Variants in TM6SF1 observed in about 807,000 individuals in gnomAD.
TM6SF1 encodes the protein transmembrane 6 superfamily member 1.
In TM6SF1, 43 loss-of-function variants were observed where a neutral mutation model predicts 47.1. The ratio of observed to expected loss-of-function variants is 0.91; its 90% CI spans 0.72 to 1.18. TM6SF1 has a LOEUF of 1.18. TM6SF1 is among the 50% of genes most tolerant of loss of function. TM6SF1 has a pLI of 0.00. For synonymous variants in TM6SF1, 177 were observed against 166.3 expected, an observed-to-expected ratio of 1.06 and a Z score of -0.49; for missense variants, 390 against 449.0, an observed-to-expected ratio of 0.87 and a Z score of 1.19.
At chr15:83,121,147 T>C (rs975834785) in intron 4 of TM6SF1, among the ~76,000 whole-genome samples, 10 of 151,918 alleles carry the variant, frequency 6.6e-5, no homozygotes, top group African/African-American at 2.2e-4. Flanking sequence ...CTTGGCTCGC[T>C]GTAACCTCTG....
intron 9 of TM6SF1, chr15:83,131,212 A>G (rs1337336624): frequency 1.3e-5 from 2 of 152,270 alleles, no homozygotes; most frequent in Non-Finnish European, 2.9e-5. Flanking sequence ...TCATGATCCC[A>G]CTAACTTTAC....
chr15:83,121,985 G>A lies in TM6SF1; in HGVS notation c.463G>A (p.Val155Met). 1 of 1,611,268 alleles carries A rather than the reference G, an allele frequency of 6.2e-7. No homozygotes were observed. The highest frequency in any genetic ancestry group is 8.5e-7 in the Non-Finnish European group (1 of 1,179,238). ...TATTATTATGAGTGTTGTTGTTTTT[G>A]TGCCAGGAAACATTGTAGGTAAGAA... ...GSIIMSVVVF[V>M]PGNIVGKYGT... is the part of the protein sequence containing the mutation. The change falls in exon 5 of 10, where the codon GTG becomes ATG. Residue 155 changes from valine (V) to methionine (M), a missense_variant. By Grantham distance (21) the Val-to-Met change is conservative. Coordinates refer to ENST00000322019, the MANE Select transcript of TM6SF1 (RefSeq NM_023003.5).
At chr15:83,122,337 A>G (rs896303743) in intron 5 of TM6SF1, among the ~76,000 whole-genome samples, 2 of 152,198 alleles carry the variant, frequency 1.3e-5, no homozygotes, top group African/African-American at 4.8e-5. Flanking sequence ...GAACTCCAAA[A>G]ATGTACTTGG....
intron 2 of TM6SF1, chr15:83,115,540 G>A (rs1228849992): frequency 1.2e-5 from 6 of 497,504 alleles, no homozygotes; most frequent in Middle Eastern, 5.0e-4. Flanking sequence ...GTAGGGGAGT[G>A]GAGGATGGGT....
Position 83,126,748 on chromosome 15 carries a change from T to A in TM6SF1, c.709-7T>A. 6.2e-7 allele frequency: 1 copy of A among 1,606,992 alleles called. No homozygotes were observed. Among genetic ancestry groups the A allele is most frequent in the Non-Finnish European group, 8.5e-7 (1 of 1,176,046 alleles). ...TATTTTTATAATGAGTTTATTTTTG[T>A]CCTTAGATTGCTTTGGATTGCCCAT... On this transcript the variant is annotated splice_region_variant and splice_polypyrimidine_tract_variant and intron_variant, in intron 7 of 9. Coordinates refer to ENST00000322019, the MANE Select transcript of TM6SF1 (RefSeq NM_023003.5).
chr15:83,109,536 C>T (rs892885047), intron 1 of TM6SF1, among the ~76,000 whole-genome samples: 22 of 152,146 alleles, frequency 1.4e-4, no homozygotes, highest in African/African-American at 5.1e-4. Context: ...TTAAAACCCC[C>T]GTGGCCTTTG....
chr15:83,129,820 G>T (rs887429421), intron 9 of TM6SF1: 1 of 152,280 alleles, frequency 6.6e-6, no homozygotes, highest in Non-Finnish European at 1.5e-5. Context: ...AAACACTGAG[G>T]TGTGGGCATA....
At chr15:83,126,265 T>G (rs1354031156) in intron 7 of TM6SF1, among the ~76,000 whole-genome samples, 1 of 152,132 alleles carries the variant, frequency 6.6e-6, no homozygotes, top group Non-Finnish European at 1.5e-5. Flanking sequence ...CCAAAAAGAC[T>G]TTCCAGCAAG....
At chr15:83,112,621 G>T in intron 1 of TM6SF1, 176 bp from the exon 2 acceptor site, 1 of 617,442 alleles carries the variant, frequency 1.6e-6, no homozygotes, top group South Asian at 2.0e-5. Flanking sequence ...AGCCCAGATG[G>T]GCCAAAGAGC....
chr15:83,109,613 G>A (rs1596462006), intron 1 of TM6SF1, among the ~76,000 whole-genome samples: 1 of 152,130 alleles, frequency 6.6e-6, no homozygotes, highest in Non-Finnish European at 1.5e-5. Flanking sequence ...TGGGGCTCTA[G>A]TGTCTGTTCC....
chr15:83,127,229 A>G lies in TM6SF1; in HGVS notation c.802-129A>G, dbSNP rs1033677264. 2.0e-5 allele frequency: 18 copies of G among 922,206 alleles called. No individual in the cohort carries two copies. The South Asian group carries it at 5.6e-4, about 29-fold the overall frequency. The allele number at this position is 922,206 out of a possible 1,614,324, so 57.1% of individuals were successfully genotyped here. On this transcript the variant is annotated intron_variant, in intron 8 of 9. Transcript: ENST00000322019. ...TAAATAAAAATAAAAGTAAAAAAAA[A>G]AAAAGAGTCCCATATAGGAAATAGG...
At position 83,119,664 on chromosome 15, in the gene TM6SF1, G is replaced by A; in HGVS notation, c.381G>A (p.Val127=). The A allele has an allele frequency of 6.2e-7, 1 of 1,614,168 alleles. No individual in the cohort carries two copies. Among genetic ancestry groups the A allele is most frequent in the African/African-American group, 1.3e-5 (1 of 75,052 alleles). ...SAHYLMYLVM[V]AAIAWEETYR... ...ATTATCTGATGTACCTGGTGATGGT[G>A]GCAGCCATAGCATGGGAGTAAGTCA... The change falls in exon 4 of 10, where the codon GTG becomes GTA. Residue 127 remains valine, a synonymous_variant. Transcript: ENST00000322019.
At chr15:83,117,796 G>C (rs978533011) in intron 3 of TM6SF1, among the ~76,000 whole-genome samples, 2 of 152,138 alleles carry the variant, frequency 1.3e-5, no homozygotes, top group African/African-American at 4.8e-5. Flanking sequence ...AACATGCCAA[G>C]AGCCAGGCCT....
chr15:83,126,568 T>A (rs1467034480), intron 7 of TM6SF1, among the ~76,000 whole-genome samples, 187 bp from the exon 8 acceptor site: 1 of 152,186 alleles, frequency 6.6e-6, no homozygotes, highest in Non-Finnish European at 1.5e-5. Context: ...GCACCATAAT[T>A]AACCTTTGCT....
chr15:83,120,549 C>T (rs1209471491), intron 4 of TM6SF1, among the ~76,000 whole-genome samples: 4 of 151,666 alleles, frequency 2.6e-5, no homozygotes, highest in Non-Finnish European at 5.9e-5. Context: ...GTATCTCCCT[C>T]ACTCCCAACA....
At position 83,115,944 on chromosome 15, in the gene TM6SF1, T is replaced by C. The variant is rs1336529619; in HGVS notation, c.294+2T>C. The C allele has an allele frequency of 6.2e-7, 1 of 1,610,344 alleles. No homozygotes were observed. Among genetic ancestry groups the C allele is most frequent in the South Asian group, 1.1e-5 (1 of 90,978 alleles). ...TTCATGACACACTACTTGAGAGAGG[T>C]ATGGGATCACTTAGTGATTATGAGG... On this transcript the variant is annotated splice_donor_variant, in intron 3 of 9. Coordinates refer to ENST00000322019, the MANE Select transcript of TM6SF1 (RefSeq NM_023003.5). LOFTEE classifies it high-confidence loss of function.
Position 83,124,794 on chromosome 15 carries a change from T to C in TM6SF1, c.708+18T>C. ...GAGGTTTGGTAAGCATAACAGATCA[T>C]AATAACGTAACATTGTGATACTACT... On this transcript the variant is annotated intron_variant, in intron 7 of 9. Transcript: ENST00000322019. The C allele has an allele frequency of 6.4e-7, 1 of 1,565,552 alleles. No homozygotes were observed.
chr15:83,115,530 G>T (rs2034577451), intron 2 of TM6SF1: 3 of 470,326 alleles, frequency 6.4e-6, no homozygotes, highest in South Asian at 5.6e-5. Context: ...GCAGCCACTT[G>T]TAGGGGAGTG....
chr15:83,124,595 A>T, intron 6 of TM6SF1, 77 bp from the exon 7 acceptor site: 1 of 1,106,918 alleles, frequency 9.0e-7, no homozygotes, highest in East Asian at 2.4e-5. Context: ...ATCCATCATC[A>T]TGACATTTAA....
Sources: allele counts gnomAD v4.1 joint callset (sites outside exome capture counted in the v4.1 genomes callset), GRCh38; gene constraint gnomAD v4.1.1; transcripts MANE v1.5; gene names NCBI Gene and HGNC (gene_info 2026-07-23, HGNC 2026-07-21).